NCKAP1L: variants seen among roughly 807,000 people sequenced by gnomAD.
NCKAP1L encodes the protein nck-associated protein 1-like.
A neutral mutation model predicts 139.2 loss-of-function variants in NCKAP1L; 53 were observed. The ratio of observed to expected loss-of-function variants is 0.38; its 90% CI spans 0.31 to 0.48. NCKAP1L has a LOEUF of 0.48. Ranked by LOEUF, NCKAP1L falls within the 20% of genes least tolerant of loss-of-function variation. The pLI, the probability that NCKAP1L is intolerant of heterozygous loss-of-function variation, is 0.98. For missense variants in NCKAP1L, 1,151 were observed against 1,381.9 expected (o/e 0.83, Z 2.65); for synonymous variants, 468 against 499.7 (o/e 0.94, Z 0.85).
intron 21 of NCKAP1L, among the ~76,000 whole-genome samples, chr12:54,527,647 A>T (rs535923051): frequency 6.6e-6 from 1 of 152,310 alleles, no homozygotes; most frequent in East Asian, 1.9e-4. Flanking sequence ...AAGGAAAAAA[A>T]AAGTTTGACT....
chr12:54,511,314 C>T (rs1188111212), intron 7 of NCKAP1L, among the ~76,000 whole-genome samples: 2 of 152,192 alleles, frequency 1.3e-5, no homozygotes, highest in Admixed American at 1.3e-4. Context: ...TCCCTTACTC[C>T]ACTTCCAGTG....
chr12:54,541,782 G>A (rs552967459), intron 30 of NCKAP1L, among the ~76,000 whole-genome samples: 3 of 152,320 alleles, frequency 2.0e-5, no homozygotes, highest in Non-Finnish European at 2.9e-5. Context: ...GAGGATATGG[G>A]ACACCTCTCC....
rs767891478 is a variant in NCKAP1L at position 54,523,934 on chromosome 12, C to T, written c.2134C>T (p.His712Tyr). The T allele has an allele frequency of 1.2e-6, 2 of 1,613,872 alleles. No homozygotes were observed. Among genetic ancestry groups the T allele is most frequent in the African/African-American group, 1.3e-5 (1 of 74,924 alleles). ...CTTCCCTTCTGAGTACCTCAGCAGC[C>T]ACCTGGAGGCCAGACTCAACAGGTA... The part of the protein sequence containing the change: ...TIFPSEYLSS[H>Y]LEARLNRAIV... Residue 712 changes from histidine (H) to tyrosine (Y), a missense_variant, in exon 20 of 31, where the codon CAC becomes TAC. Physicochemically the swap from His to Tyr is moderately conservative, Grantham distance 83. Coordinates refer to ENST00000293373, the MANE Select transcript of NCKAP1L (RefSeq NM_005337.5).
chr12:54,504,884 C>A (rs1330977025), intron 3 of NCKAP1L, among the ~76,000 whole-genome samples: 1 of 152,196 alleles, frequency 6.6e-6, no homozygotes, highest in Non-Finnish European at 1.5e-5. Context: ...CCTTCTGATT[C>A]TTGTCTGTAG....
intron 21 of NCKAP1L, 108 bp downstream of exon 21, chr12:54,526,854 C>T: frequency 1.2e-6 from 1 of 850,734 alleles, no homozygotes. Flanking sequence ...GTCATAGACT[C>T]CAAAATGGAG....
Position 54,500,591 on chromosome 12 carries a change from A to G in NCKAP1L, c.272A>G (p.Tyr91Cys), listed in dbSNP as rs374871721. The stretch of plus-strand genomic sequence containing the variant: ...GAGATAATTAGATTCCTCACCAACT[A>G]CTACCAGTCATTTGTGGATGTCATG... ...KAEIIRFLTN[Y>C]YQSFVDVMEF... The change falls in exon 3 of 31, where the codon TAC becomes TGC. Residue 91 changes from tyrosine to cysteine, a missense_variant. Tyr to Cys is a radical substitution (Grantham distance 194, BLOSUM62 -2). Transcript: ENST00000293373. 2.5e-6 allele frequency: 4 copies of G among 1,613,370 alleles called. No homozygotes were observed. The highest frequency in any genetic ancestry group is 2.7e-5 in the African/African-American group (2 of 74,914).
chr12:54,523,861 A>C lies in NCKAP1L; in HGVS notation c.2061A>C (p.Ala687=), dbSNP rs759076064. The change falls in exon 20 of 31, where the codon GCA becomes GCC. Residue 687 remains alanine (A), a synonymous_variant. Coordinates refer to ENST00000293373, the MANE Select transcript of NCKAP1L (RefSeq NM_005337.5). ...DKLHLNLTEL[A]LTMNHVYSFS... Reference sequence around the variant, plus strand: ...TACACCTAAACTTGACAGAACTGGCACTGACAATGAATCATGTATACAGTT... The same window carrying C: ...TACACCTAAACTTGACAGAACTGGCCCTGACAATGAATCATGTATACAGTT... 3 of 1,614,150 alleles carry C rather than the reference A, an allele frequency of 1.9e-6. No homozygotes were observed. In the South Asian group the frequency reaches 3.3e-5, roughly 18 times the overall value.
chr12:54,507,487 G>A (rs542092406), intron 3 of NCKAP1L, among the ~76,000 whole-genome samples: 51 of 152,298 alleles, frequency 3.3e-4, no homozygotes, highest in African/African-American at 9.9e-4. Context: ...GACTTACTTC[G>A]TGGTTTGTCA....
chr12:54,512,355 G>T, intron 9 of NCKAP1L: 1 of 341,006 alleles, frequency 2.9e-6, no homozygotes, highest in Non-Finnish European at 5.5e-6. Context: ...TTGAATTCAG[G>T]CTCTACCACT....
At position 54,542,616 on chromosome 12, in the gene NCKAP1L, G is replaced by A. The variant is rs746154508; in HGVS notation, c.3315G>A (p.Glu1105=). The A allele has an allele frequency of 1.2e-6, 2 of 1,614,202 alleles. No homozygotes were observed. Among genetic ancestry groups the A allele is most frequent in the South Asian group, 2.2e-5 (2 of 91,082 alleles). ...ESSFLTLDML[E]SCFPYVLLRN... ...CCTTCCTGACCCTGGACATGCTGGA[G>A]TCCTGTTTCCCTTATGTCCTGCTTC... is the stretch of plus-strand genomic sequence containing the variant. The change falls in exon 31 of 31, where the codon GAG becomes GAA. Residue 1105 remains glutamate (E), a synonymous_variant. Transcript: ENST00000293373.
At chr12:54,526,033 A>G (rs1957022929) in intron 20 of NCKAP1L, among the ~76,000 whole-genome samples, 1 of 152,192 alleles carries the variant, frequency 6.6e-6, no homozygotes, top group East Asian at 1.9e-4. Flanking sequence ...CTGGCGTGCC[A>G]TGGCTACTCA....
intron 3 of NCKAP1L, among the ~76,000 whole-genome samples, chr12:54,502,290 G>T (rs756561846): frequency 1.3e-5 from 2 of 152,178 alleles, no homozygotes; most frequent in Non-Finnish European, 2.9e-5. Flanking sequence ...TGCTCAACAG[G>T]TTTCAGATTT....
At chr12:54,541,417 CATT>C (rs1957157228) in intron 30 of NCKAP1L, among the ~76,000 whole-genome samples, 2 of 152,218 alleles carry the variant, frequency 1.3e-5, no homozygotes, top group African/African-American at 4.8e-5. Flanking sequence ...TGCTTGAAGT[CATT>C]ATTCATTTCC....
intron 30 of NCKAP1L, among the ~76,000 whole-genome samples, chr12:54,540,643 T>C (rs1957150282): frequency 6.6e-6 from 1 of 152,264 alleles, no homozygotes; most frequent in African/African-American, 2.4e-5. Flanking sequence ...CAAATGTTAG[T>C]TCCTGCTGTC....
chr12:54,503,656 T>C (rs1956819506), intron 3 of NCKAP1L, among the ~76,000 whole-genome samples: 1 of 151,560 alleles, frequency 6.6e-6, no homozygotes, highest in Non-Finnish European at 1.5e-5. Flanking sequence ...TTTTTTTTTT[T>C]TGAGGCGGAG....
At chr12:54,509,782 A>G in intron 6 of NCKAP1L, 23 bp downstream of exon 6, 1 of 1,614,152 alleles carries the variant, frequency 6.2e-7, no homozygotes, top group Non-Finnish European at 8.5e-7. Flanking sequence ...ACAATGGAGA[A>G]TTCCTCAGGC....
At chr12:54,504,868 C>T (rs1262381084) in intron 3 of NCKAP1L, among the ~76,000 whole-genome samples, 1 of 152,234 alleles carries the variant, frequency 6.6e-6, no homozygotes, top group Non-Finnish European at 1.5e-5. Context: ...CATGTTATTT[C>T]CGTTCCCTTC....
intron 10 of NCKAP1L, among the ~76,000 whole-genome samples, 182 bp downstream of exon 10, chr12:54,516,477 C>T (rs1343060706): frequency 2.0e-5 from 3 of 148,548 alleles, no homozygotes; most frequent in Admixed American, 6.7e-5. Flanking sequence ...GACAGAGTCT[C>T]GCTCTGTTGC....
chr12:54,508,224 A>G (rs567825519), intron 4 of NCKAP1L, among the ~76,000 whole-genome samples, 165 bp from the exon 5 acceptor site: 7 of 152,240 alleles, frequency 4.6e-5, no homozygotes, highest in African/African-American at 1.7e-4. Flanking sequence ...TTAGCCCCTG[A>G]CTTTTGTTCC....
Sources: allele counts gnomAD v4.1 joint callset (sites outside exome capture counted in the v4.1 genomes callset), GRCh38; gene constraint gnomAD v4.1.1; transcripts MANE v1.5; gene names NCBI Gene and HGNC (gene_info 2026-07-23, HGNC 2026-07-21).